The following MAPRE2 variants were observed in gnomAD, a reference collection of about 807,000 sequenced individuals.
MAPRE2 encodes microtubule associated protein RP/EB family member 2, also known as microtubule-associated protein RP/EB family member 2.
In MAPRE2, 13 loss-of-function variants were observed where a neutral mutation model predicts 43.2. The ratio of observed to expected loss-of-function variants is 0.30; its 90% CI spans 0.20 to 0.48. The LOEUF is 0.48. Ranked by LOEUF, MAPRE2 falls within the 20% of genes least tolerant of loss-of-function variation. The pLI is 0.99. For synonymous variants in MAPRE2, 135 were observed against 148.8 expected, an observed-to-expected ratio of 0.91 and a Z score of 0.68; for missense variants, 161 against 400.2, an observed-to-expected ratio of 0.40 and a Z score of 5.10.
intron 6 of MAPRE2, among the ~76,000 whole-genome samples, chr18:35,136,001 T>A (rs1393238588): frequency 6.6e-6 from 1 of 152,224 alleles, no homozygotes; most frequent in Non-Finnish European, 1.5e-5. Context: ...CCCTGAGTGA[T>A]TACTTAACAC....
At chr18:35,014,694 T>A (rs916088837) in intron 2 of MAPRE2, among the ~76,000 whole-genome samples, 2 of 152,086 alleles carry the variant, frequency 1.3e-5, no homozygotes, top group Non-Finnish European at 2.9e-5. Flanking sequence ...CAACCTTAAT[T>A]ATCAATTGAT....
chr18:35,015,633 A>AGTGTGTGTGTGTGTGTGT (rs3082290), intron 2 of MAPRE2, among the ~76,000 whole-genome samples: 6 of 134,794 alleles, frequency 4.5e-5, no homozygotes, highest in African/African-American at 1.7e-4. Flanking sequence ...TAGGGATGGC[A>AGTGTGTGTGTGTGTGTGT]GTGTGTGTGT....
chr18:34,984,863 ATATAATATATTTTAT>A (rs2097018291), intron 1 of MAPRE2, among the ~76,000 whole-genome samples: 3 of 89,422 alleles, frequency 3.4e-5, no homozygotes, highest in South Asian at 3.2e-4. Flanking sequence ...CATATAAAAT[ATATAATATATTTTAT>A]GTTATATAAT....
intron 2 of MAPRE2, among the ~76,000 whole-genome samples, chr18:35,011,625 G>A (rs1346652726): frequency 6.6e-6 from 1 of 152,098 alleles, no homozygotes; most frequent in Non-Finnish European, 1.5e-5. Flanking sequence ...GATCAGGAAG[G>A]GACATGATTA....
chr18:34,989,818 C>T (rs62095402), intron 1 of MAPRE2, among the ~76,000 whole-genome samples: 42 of 152,048 alleles, frequency 2.8e-4, no homozygotes, highest in Non-Finnish European at 2.9e-4. Flanking sequence ...CAGACATTCT[C>T]ATTCAGAATC....
intron 1 of MAPRE2, among the ~76,000 whole-genome samples, chr18:35,059,559 C>T (rs1187722274): frequency 6.6e-6 from 1 of 152,120 alleles, no homozygotes; most frequent in Non-Finnish European, 1.5e-5. Context: ...AAGTTTCTGC[C>T]TTCATAGAGC....
At chr18:34,981,894 T>A (rs1268480812) in intron 1 of MAPRE2, among the ~76,000 whole-genome samples, 3 of 146,662 alleles carry the variant, frequency 2.0e-5, no homozygotes, top group African/African-American at 7.9e-5. Flanking sequence ...TTTATTTTTT[T>A]TTTTTTTTGA....
chr18:35,101,820 G>T (rs1241186285), intron 3 of MAPRE2, 126 bp from the exon 4 acceptor site: 1 of 669,256 alleles, frequency 1.5e-6, no homozygotes, highest in Non-Finnish European at 2.5e-6. Flanking sequence ...CCAAATCTTA[G>T]CTATTATAAA....
At chr18:35,023,560 A>T (rs1034060568) in intron 2 of MAPRE2, among the ~76,000 whole-genome samples, 3 of 150,336 alleles carry the variant, frequency 2.0e-5, no homozygotes, top group Admixed American at 2.0e-4. Flanking sequence ...GTTTACATAT[A>T]TTAATGGATT....
chr18:35,090,058 A>G (rs977280053), intron 2 of MAPRE2, among the ~76,000 whole-genome samples: 1 of 152,212 alleles, frequency 6.6e-6, no homozygotes, highest in East Asian at 1.9e-4. Flanking sequence ...ATATGATTCT[A>G]TTTATATGAA....
At chr18:34,978,416 G>A (rs2097014352) in intron 1 of MAPRE2, 2 of 1,046,708 alleles carry the variant, frequency 1.9e-6, no homozygotes, top group East Asian at 5.2e-5. Context: ...GGTCCCAGCT[G>A]GGGTGAAGTG....
chr18:35,018,975 A>C (rs2097040265), intron 2 of MAPRE2, among the ~76,000 whole-genome samples: 1 of 151,978 alleles, frequency 6.6e-6, no homozygotes, highest in South Asian at 2.1e-4. Context: ...CTTTCCTCCT[A>C]ACACTGCATT....
At chr18:35,135,916 C>A (rs749823236) in intron 6 of MAPRE2, among the ~76,000 whole-genome samples, 1 of 152,234 alleles carries the variant, frequency 6.6e-6, no homozygotes, top group Non-Finnish European at 1.5e-5. Context: ...GCAGCACATG[C>A]TGTTCAGCTA....
intron 2 of MAPRE2, among the ~76,000 whole-genome samples, chr18:35,092,709 T>C (rs989437069): frequency 6.6e-6 from 1 of 152,170 alleles, no homozygotes; most frequent in Non-Finnish European, 1.5e-5. Context: ...GTGCAAACTA[T>C]TCATCTGGCA....
At chr18:35,011,503 AAAG>A (rs1223206833) in intron 2 of MAPRE2, among the ~76,000 whole-genome samples, 2 of 152,246 alleles carry the variant, frequency 1.3e-5, no homozygotes, top group African/African-American at 2.4e-5. Flanking sequence ...TTGCCAGGCT[AAAG>A]AAGAACTCTT....
At chr18:35,037,769 C>T (rs770656743), upstream of MAPRE2, among the ~76,000 whole-genome samples, 8 of 152,128 alleles carry the variant, frequency 5.3e-5, no homozygotes, top group Non-Finnish European at 8.8e-5. Flanking sequence ...ACAGCCTCTT[C>T]CATTTTAGAC....
At chr18:34,987,457 G>A (rs1053314018) in intron 1 of MAPRE2, among the ~76,000 whole-genome samples, 4 of 152,112 alleles carry the variant, frequency 2.6e-5, no homozygotes, top group Non-Finnish European at 5.9e-5. Flanking sequence ...TGAACTAGAG[G>A]ATTCACTTTT....
At chr18:35,121,708 A>G (rs190734130) in intron 4 of MAPRE2, among the ~76,000 whole-genome samples, 107 of 152,342 alleles carry the variant, frequency 7.0e-4, no homozygotes, top group African/African-American at 2.5e-3. Context: ...AATGTTTTCC[A>G]CATAAGCATC....
At chr18:35,099,398 T>C (rs958112455) in intron 3 of MAPRE2, among the ~76,000 whole-genome samples, 3 of 152,182 alleles carry the variant, frequency 2.0e-5, no homozygotes, top group African/African-American at 7.2e-5. Context: ...GAGGGTCACT[T>C]GAGGCCAGGA....
Sources: gnomAD v4.1 joint callset for allele counts (sites outside exome capture counted in the v4.1 genomes callset) on GRCh38, gnomAD v4.1.1 for gene constraint, MANE v1.5 for transcripts, NCBI Gene and HGNC (gene_info 2026-07-23, HGNC 2026-07-21) for gene names.